Variants in ADGRD1 observed in about 807,000 individuals in gnomAD.
ADGRD1 encodes the protein G-protein coupled receptor 133.
ADGRD1 carries 77 observed loss-of-function variants against 113.4 expected under a neutral mutation model. The ratio of observed to expected loss-of-function variants is 0.68; its 90% CI spans 0.57 to 0.82. The LOEUF is 0.82. ADGRD1 is among the 40% of genes least tolerant of loss of function. ADGRD1 has a pLI of 0.00. For missense variants in ADGRD1, 1,036 were observed against 1,139.1 expected, an observed-to-expected ratio of 0.91 and a Z score of 1.30; for synonymous variants, 474 against 475.0, an observed-to-expected ratio of 1.00 and a Z score of 0.03.
chr12:130,987,059 A>C, intron 5 of ADGRD1, 36 bp from the exon 6 acceptor site: 1 of 1,602,156 alleles, frequency 6.2e-7, no homozygotes, highest in Non-Finnish European at 8.6e-7. Context: ...GCTCATTCCC[A>C]CAGTACTCAG....
At chr12:131,101,139 G>A (rs180716336) in intron 15 of ADGRD1, among the ~76,000 whole-genome samples, 22 of 152,180 alleles carry the variant, frequency 1.4e-4, no homozygotes, top group African/African-American at 5.3e-4. Flanking sequence ...GTCCGAGAGT[G>A]ATATGCATCC....
chr12:131,049,064 G>T (rs1402404361), intron 13 of ADGRD1, among the ~76,000 whole-genome samples: 4 of 152,254 alleles, frequency 2.6e-5, no homozygotes, highest in African/African-American at 9.6e-5. Context: ...GTTTGGAAAA[G>T]CGGATGATAC....
chr12:131,020,400 C>T (rs552354072), intron 13 of ADGRD1, among the ~76,000 whole-genome samples: 3 of 152,360 alleles, frequency 2.0e-5, no homozygotes, highest in South Asian at 2.1e-4. Flanking sequence ...CCCCAAGCTC[C>T]GGCCAGGGCA....
intron 15 of ADGRD1, among the ~76,000 whole-genome samples, chr12:131,097,785 G>A (rs1887397183): frequency 1.3e-5 from 2 of 152,236 alleles, no homozygotes; most frequent in Admixed American, 1.3e-4. Flanking sequence ...CAAAGGTTGG[G>A]GAGCAGATGG....
chr12:131,088,285 G>T (rs2137234473), intron 15 of ADGRD1, among the ~76,000 whole-genome samples: 1 of 152,320 alleles, frequency 6.6e-6, no homozygotes, highest in Non-Finnish European at 1.5e-5. Context: ...GGGCTGTTTA[G>T]GTAGCACCCG....
In ADGRD1 at chr12:131,003,032, C is replaced by G. The variant is rs1001799262; in HGVS notation, c.1027-153C>G. Among the ~76,000 whole-genome samples, 1 of 152,150 alleles carries G rather than the reference C, an allele frequency of 6.6e-6. No individual in the cohort carries two copies. Among genetic ancestry groups the G allele is most frequent in the African/African-American group, 2.4e-5 (1 of 41,422 alleles). On this transcript the variant is annotated intron_variant, in intron 9 of 24. Coordinates refer to ENST00000261654, the MANE Select transcript of ADGRD1 (RefSeq NM_198827.5). The surrounding 1 kb of genome is among the most constrained non-coding windows in gnomAD (Gnocchi z 4.8). ...TCGGGTGTGTGGCCTCCGTGTGGTC[C>G]CCTCCTGATCCATGGGAAGGGGCAG...
chr12:131,136,261 C>T, intron 22 of ADGRD1, 98 bp downstream of exon 22: 1 of 1,420,390 alleles, frequency 7.0e-7, no homozygotes, highest in African/African-American at 1.4e-5. Flanking sequence ...GAGGCCTGCC[C>T]TCCCGGCCAC....
chr12:131,106,817 C>T (rs952218010), intron 17 of ADGRD1, among the ~76,000 whole-genome samples: 1 of 152,270 alleles, frequency 6.6e-6, no homozygotes, highest in Admixed American at 6.5e-5. Context: ...CTGGATGCAC[C>T]GTGGAATGGA....
intron 11 of ADGRD1, 88 bp downstream of exon 11, chr12:131,004,384 G>A (rs1019770659): frequency 5.5e-5 from 43 of 779,166 alleles, no homozygotes; most frequent in Admixed American, 2.9e-4. Context: ...TGCCCACCGC[G>A]CCAGGGAGCT....
chr12:131,138,206 GC>G lies in ADGRD1; in HGVS notation c.2507del (p.Ala836GlyfsTer9). The G allele has an allele frequency of 6.2e-7, 1 of 1,613,350 alleles. No individual in the cohort carries two copies. The highest frequency in any genetic ancestry group is 8.5e-7 in the Non-Finnish European group (1 of 1,179,874). Reference sequence around the variant, plus strand: ...GAGCAGCTCTGCCCGCACCTCCAACGCGAAGCCCTTCCACTCGGACCTCGTG... The same window carrying G: ...GAGCAGCTCTGCCCGCACCTCCAACGGAAGCCCTTCCACTCGGACCTCGTG... ...LTSSSARTSN[A>X]KPFHSDLMNG... On this transcript the variant is annotated frameshift_variant, in exon 24 of 25. Transcript: ENST00000261654. LOFTEE classifies it high-confidence loss of function.
chr12:131,081,369 G>C (rs1886059732), intron 14 of ADGRD1, among the ~76,000 whole-genome samples: 2 of 152,126 alleles, frequency 1.3e-5, no homozygotes, highest in South Asian at 4.2e-4. Flanking sequence ...GTCTTTTTCT[G>C]ACTTCATTTG....
intron 13 of ADGRD1, among the ~76,000 whole-genome samples, chr12:131,059,524 T>C (rs1489043373): frequency 1.3e-5 from 2 of 152,224 alleles, no homozygotes; most frequent in African/African-American, 4.8e-5. Flanking sequence ...TTTTCACTTC[T>C]AAATTTTCCA....
rs572820690 is a variant in ADGRD1 at position 131,075,765 on chromosome 12, G to A, written c.1474-1036G>A. Among the ~76,000 whole-genome samples, 62 of 152,314 alleles carry A rather than the reference G, an allele frequency of 4.1e-4. No homozygotes were observed. The highest frequency in any genetic ancestry group is 1.4e-3 in the African/African-American group (59 of 41,568). On this transcript the variant is annotated intron_variant, in intron 13 of 24. Coordinates refer to ENST00000261654, the MANE Select transcript of ADGRD1 (RefSeq NM_198827.5). This position sits in a 1 kb window ranked among gnomAD's most constrained non-coding sequence, Gnocchi z 5.3. ...GGCGCTCATGAGGGGGGCTGCCCTC[G>A]TGGCTCTGTCCTGCACAAGTCAGTG... is the stretch of plus-strand genomic sequence containing the variant.
At chr12:130,985,808 T>C (rs979603041) in intron 5 of ADGRD1, among the ~76,000 whole-genome samples, 2 of 152,222 alleles carry the variant, frequency 1.3e-5, no homozygotes, top group Non-Finnish European at 2.9e-5. Flanking sequence ...TGCCTCGGCC[T>C]CCCAAAGTGC....
At chr12:131,064,262 C>T (rs991754080) in intron 13 of ADGRD1, among the ~76,000 whole-genome samples, 1 of 152,214 alleles carries the variant, frequency 6.6e-6, no homozygotes, top group African/African-American at 2.4e-5. Context: ...AGGAAGAAAC[C>T]ATTCTGTCTT....
chr12:130,976,149 A>C (rs1034995673), intron 4 of ADGRD1, among the ~76,000 whole-genome samples: 5 of 152,216 alleles, frequency 3.3e-5, no homozygotes, highest in Non-Finnish European at 7.3e-5. Flanking sequence ...ATTTGCTAAG[A>C]TACTTGCAGG....
intron 14 of ADGRD1, among the ~76,000 whole-genome samples, chr12:131,080,097 A>G (rs989624842): frequency 6.6e-6 from 1 of 152,212 alleles, no homozygotes; most frequent in African/African-American, 2.4e-5. Flanking sequence ...ATTTTCTAAT[A>G]TAAACATTTA....
chr12:130,992,428 G>T, intron 8 of ADGRD1, 36 bp downstream of exon 8: 3 of 1,578,048 alleles, frequency 1.9e-6, no homozygotes, highest in South Asian at 2.3e-5. Flanking sequence ...GGTGGACCGG[G>T]CGTGGCACCC....
intron 12 of ADGRD1, among the ~76,000 whole-genome samples, chr12:131,007,332 TG>T (rs897920021): frequency 1.3e-5 from 2 of 152,052 alleles, no homozygotes; most frequent in African/African-American, 4.8e-5. Flanking sequence ...CGTGGGGAAA[TG>T]GGGGAGTGGC....
Sources: allele counts gnomAD v4.1 joint callset (sites outside exome capture counted in the v4.1 genomes callset), GRCh38; gene constraint gnomAD v4.1.1; non-coding constraint Gnocchi (gnomAD v3.1); transcripts MANE v1.5; gene names NCBI Gene and HGNC (gene_info 2026-07-23, HGNC 2026-07-21).